The following IL27RA variants were observed in gnomAD, a reference collection of about 807,000 sequenced individuals.
IL27RA encodes interleukin 27 receptor subunit alpha, also known as interleukin-27 receptor subunit alpha.
IL27RA carries 61 observed loss-of-function variants against 80.8 expected under a neutral mutation model. The ratio of observed to expected loss-of-function variants is 0.76; its 90% confidence interval spans 0.61 to 0.93. The LOEUF (loss-of-function observed/expected upper bound fraction) is 0.93, where lower values mean the gene tolerates loss of function less well. Ranked by LOEUF, IL27RA falls within the 40% of genes least tolerant of loss-of-function variation. The pLI, the probability that IL27RA is intolerant of heterozygous loss-of-function variation, is 0.00. For missense variants in IL27RA, 735 were observed against 808.1 expected (o/e 0.91, Z 1.10); for synonymous variants, 316 against 332.5 (o/e 0.95, Z 0.54).
intron 10 of IL27RA, among the ~76,000 whole-genome samples, chr19:14,049,706 T>C (rs900339194): frequency 4.6e-5 from 7 of 151,462 alleles, no homozygotes; most frequent in South Asian, 2.1e-4. Flanking sequence ...CTCAGCCTCC[T>C]GAGTAGCTGG....
Position 14,050,901 on chromosome 19 carries a change from G to A in IL27RA, c.1528+18G>A. 1 of 1,598,168 alleles carries A rather than the reference G, an allele frequency of 6.3e-7. No homozygotes were observed. Among genetic ancestry groups the A allele is most frequent in the East Asian group, 2.2e-5 (1 of 44,488 alleles). On this transcript the variant is annotated intron_variant, in intron 11 of 13. Coordinates refer to ENST00000263379, the MANE Select transcript of IL27RA (RefSeq NM_004843.4). Reference sequence around the variant, plus strand: ...TCTACCAGGTAGGGGGGTTGGGATGGGATTGCCACAGGGAGGGGATGTACT... The same window carrying A: ...TCTACCAGGTAGGGGGGTTGGGATGAGATTGCCACAGGGAGGGGATGTACT...
chr19:14,051,621 TGGAAA>T lies in IL27RA; in HGVS notation c.1545_1549del (p.Trp515CysfsTer44), dbSNP rs758034069. 1 of 1,609,044 alleles carries T rather than the reference TGGAAA, an allele frequency of 6.2e-7. No homozygotes were observed. Among genetic ancestry groups the T allele is most frequent in the Admixed American group, 1.7e-5 (1 of 59,506 alleles). On this transcript the variant is annotated frameshift_variant, in exon 12 of 14. Transcript: ENST00000263379. LOFTEE classifies it high-confidence loss of function. Reference sequence around the variant, plus strand: ...TACCCTACCAGATAACACCCTGAGGTGGAAAGTTCTGCCGGGCATCCTATTCTTGT... The same window carrying T: ...TACCCTACCAGATAACACCCTGAGGTGTTCTGCCGGGCATCCTATTCTTGT...
At chr19:14,041,463 A>C (rs77963374) in intron 4 of IL27RA, among the ~76,000 whole-genome samples, 26,238 of 151,904 alleles carry the variant, frequency 0.17, 2,590 homozygotes, top group East Asian at 0.37. Flanking sequence ...CACCTCCTAA[A>C]GTGTTGGGAT....
chr19:14,032,030 G>T, intron 1 of IL27RA, 58 bp downstream of exon 1: 2 of 1,446,134 alleles, frequency 1.4e-6, no homozygotes, highest in Non-Finnish European at 1.9e-6. Flanking sequence ...CCGCGAAGGC[G>T]CCAGTGCTCC....
At chr19:14,043,644 T>C (rs80240887) in intron 6 of IL27RA, among the ~76,000 whole-genome samples, 11,873 of 151,226 alleles carry the variant, frequency 0.079, 589 homozygotes, top group Admixed American at 0.14. Flanking sequence ...CAGGGGGGCC[T>C]TGAACTCCTG....
Position 14,031,811 on chromosome 19 carries a change from G to T in IL27RA, c.-62G>T. On this transcript the variant is annotated 5_prime_UTR_variant, in exon 1 of 14. Coordinates refer to ENST00000263379, the MANE Select transcript of IL27RA (RefSeq NM_004843.4). ...GGCGCTGTACCCAGAGCTCGAAGAG[G>T]AGCAGCGCGGCCGCGCGGACCCGGC... The T allele has an allele frequency of 1.4e-6, 2 of 1,396,666 alleles. No homozygotes were observed. The highest frequency in any genetic ancestry group is 2.1e-5 in the Admixed American group (1 of 48,256). 86.5% of individuals were successfully genotyped at this position (1,396,666 alleles called of 1,614,324 possible). A position where few individuals can be genotyped will look rare whatever the true frequency, so the allele number is the denominator to read the frequency against.
In IL27RA at chr19:14,046,426, C is replaced by T; in HGVS notation, c.953-4C>T. On this transcript the variant is annotated splice_region_variant and splice_polypyrimidine_tract_variant and intron_variant, in intron 7 of 13. Coordinates refer to ENST00000263379, the MANE Select transcript of IL27RA (RefSeq NM_004843.4). Reference sequence around the variant, plus strand: ...GGCAGCTGAGACTTCTCTCCACCCTCCAGATTCAGCCTCTGCCCCCCGTAG... The same window carrying T: ...GGCAGCTGAGACTTCTCTCCACCCTTCAGATTCAGCCTCTGCCCCCCGTAG... 3 of 1,614,154 alleles carry T rather than the reference C, an allele frequency of 1.9e-6. No individual in the cohort carries two copies. Among genetic ancestry groups the T allele is most frequent in the Non-Finnish European group, 2.5e-6 (3 of 1,180,044 alleles).
At position 14,039,553 on chromosome 19, in the gene IL27RA, C is replaced by G. The variant is rs1239149542; in HGVS notation, c.264C>G (p.Ser88Arg). 6.2e-7 allele frequency: 1 copy of G among 1,614,172 alleles called. No individual in the cohort carries two copies. The highest frequency in any genetic ancestry group is 1.7e-5 in the Admixed American group (1 of 60,020). Reference sequence around the variant, plus strand: ...CTGTGGCAGTGGCAGCCGGACGGAGCTGGGTGGCCATTCCTCGGGAACAGC... The same window carrying G: ...CTGTGGCAGTGGCAGCCGGACGGAGGTGGGTGGCCATTCCTCGGGAACAGC... ...TQTVAVAAGRSWVAIPREQLT... is the reference protein window; with the variant it reads ...TQTVAVAAGRRWVAIPREQLT... Residue 88 changes from serine (S) to arginine (R), a missense_variant, in exon 3 of 14, where the codon AGC becomes AGG. By Grantham distance (110) the Ser-to-Arg change is moderately radical. Coordinates refer to ENST00000263379, the MANE Select transcript of IL27RA (RefSeq NM_004843.4).
intron 8 of IL27RA, 145 bp from the exon 9 acceptor site, chr19:14,048,836 T>C (rs1976110265): frequency 1.4e-6 from 1 of 737,140 alleles, no homozygotes; most frequent in South Asian, 1.6e-5. Context: ...CTATTGGGGT[T>C]TTCTGGGATT....
chr19:14,051,841 C>A, intron 12 of IL27RA, 39 bp from the exon 13 acceptor site: 1 of 1,516,908 alleles, frequency 6.6e-7, no homozygotes, highest in Non-Finnish European at 9.0e-7. Context: ...GGCATCTGGC[C>A]ATCTGGATCT....
At position 14,046,607 on chromosome 19, in the gene IL27RA, C is replaced by G. The variant is rs1976070569; in HGVS notation, c.1130C>G (p.Ala377Gly). The change falls in exon 8 of 14, where the codon GCT becomes GGT. Residue 377 changes from alanine (A) to glycine (G), a missense_variant. Physicochemically the swap from Ala to Gly is moderately conservative, Grantham distance 60. Coordinates refer to ENST00000263379, the MANE Select transcript of IL27RA (RefSeq NM_004843.4). ...WVRLPPGNLS[A>G]LLPGNFTVGV... is the part of the protein sequence containing the mutation. ...CGGCTTCCCCCTGGGAACCTCAGTG[C>G]TCTGTTACCAGGTGAGGCCCTGGGA... The G allele has an allele frequency of 1.2e-6, 2 of 1,605,166 alleles. No homozygotes were observed. Among genetic ancestry groups the G allele is most frequent in the Non-Finnish European group, 1.7e-6 (2 of 1,175,500 alleles).
At chr19:14,043,257 G>A (rs1288995806) in intron 6 of IL27RA, among the ~76,000 whole-genome samples, 1 of 152,096 alleles carries the variant, frequency 6.6e-6, no homozygotes, top group Non-Finnish European at 1.5e-5. Context: ...TCAGCACAGG[G>A]TGGGGCATGG....
In IL27RA at chr19:14,046,443, C is replaced by T; in HGVS notation, c.966C>T (p.Ala322=). ...TCCACCCTCCAGATTCAGCCTCTGC[C>T]CCCCGTAGCGTGGCAGTCAGCAGCA... The part of the protein sequence containing the change: ...LSLVCLDSAS[A]PRSVAVSSIA... Residue 322 remains alanine, a synonymous_variant, in exon 8 of 14, where the codon GCC becomes GCT. Transcript: ENST00000263379. The T allele has an allele frequency of 6.2e-7, 1 of 1,614,106 alleles. No homozygotes were observed. The highest frequency in any genetic ancestry group is 8.5e-7 in the Non-Finnish European group (1 of 1,180,028).
At chr19:14,050,386 C>T (rs549080153) in intron 10 of IL27RA, among the ~76,000 whole-genome samples, 2 of 151,890 alleles carry the variant, frequency 1.3e-5, no homozygotes, top group East Asian at 3.9e-4. Context: ...CCTGTAGTCC[C>T]AGCTACTCAG....
At chr19:14,051,817 G>A in intron 12 of IL27RA, 63 bp from the exon 13 acceptor site, 13 of 1,460,124 alleles carry the variant, frequency 8.9e-6, no homozygotes, top group Non-Finnish European at 1.1e-5. Flanking sequence ...CATGAACCCT[G>A]CACCCTGGGC....
chr19:14,042,420 T>A, intron 4 of IL27RA, 33 bp from the exon 5 acceptor site: 1 of 1,604,712 alleles, frequency 6.2e-7, no homozygotes, highest in Non-Finnish European at 8.5e-7. Flanking sequence ...ACTCAGGCCC[T>A]GGGCCCATCA....
At chr19:14,047,074 C>T (rs1391133121) in intron 8 of IL27RA, among the ~76,000 whole-genome samples, 2 of 151,802 alleles carry the variant, frequency 1.3e-5, no homozygotes, top group Non-Finnish European at 2.9e-5. Context: ...GGCAAGATCC[C>T]ACTCTGTGGC....
intron 1 of IL27RA, 136 bp downstream of exon 1, chr19:14,032,108 G>C: frequency 1.2e-6 from 1 of 822,340 alleles, no homozygotes; most frequent in Non-Finnish European, 1.9e-6. Flanking sequence ...TCCCGGGGCA[G>C]GGACCCGGCG....
At chr19:14,037,219 C>T (rs1371466604) in intron 2 of IL27RA, among the ~76,000 whole-genome samples, 1 of 151,776 alleles carries the variant, frequency 6.6e-6, no homozygotes, top group Non-Finnish European at 1.5e-5. Context: ...AAGACACGTC[C>T]GTTGGACAAA....
Sources: allele counts gnomAD v4.1 joint callset (sites outside exome capture counted in the v4.1 genomes callset), GRCh38; gene constraint gnomAD v4.1.1; transcripts MANE v1.5; gene names NCBI Gene and HGNC (gene_info 2026-07-23, HGNC 2026-07-21).